Variants in PMPCB observed in about 807,000 individuals in gnomAD.
The protein encoded by PMPCB is peptidase, mitochondrial processing subunit beta.
In PMPCB, 46 loss-of-function variants were observed where a neutral mutation model predicts 61.5. That is an observed-to-expected ratio of 0.75 (90% CI 0.59 to 0.96). The LOEUF (loss-of-function observed/expected upper bound fraction) is 0.96. Ranked by LOEUF, PMPCB falls within the 40% of genes least tolerant of loss-of-function variation. The pLI, the probability that PMPCB is intolerant of heterozygous loss-of-function variation, is 0.00. For missense variants in PMPCB, 590 were observed against 602.4 expected (o/e 0.98, Z 0.22); for synonymous variants, 191 against 201.6 (o/e 0.95, Z 0.44).
downstream of PMPCB, chr7:103,317,088 C>G (rs1366847481): frequency 7.7e-7 from 1 of 1,302,308 alleles, no homozygotes; most frequent in South Asian, 1.4e-5. Flanking sequence ...CTGGCTAGGG[C>G]TTTGTGGTCC....
chr7:103,346,258 G>A, the PMPCB span, among the ~76,000 whole-genome samples: 1 of 151,920 alleles, frequency 6.6e-6, no homozygotes, highest in Non-Finnish European at 1.5e-5. Context: ...TCAGCCTCCC[G>A]AGTAGCTGGG....
At chr7:103,346,242 C>T in the PMPCB span, among the ~76,000 whole-genome samples, 5 of 152,110 alleles carry the variant, frequency 3.3e-5, no homozygotes, top group South Asian at 2.1e-4. Flanking sequence ...AAGCGATTCT[C>T]CTGCCTCAGC....
At chr7:103,338,631 G>T in the PMPCB span, among the ~76,000 whole-genome samples, 1 of 152,052 alleles carries the variant, frequency 6.6e-6, no homozygotes, top group Non-Finnish European at 1.5e-5. Context: ...GAAGAGACAG[G>T]CTGGGCATGC....
Position 103,312,951 on chromosome 7 carries a change from T to C in PMPCB, c.*680T>C, listed in dbSNP as rs1367327480. The C allele has an allele frequency of 4.3e-6, 7 of 1,610,902 alleles. No homozygotes were observed. The highest frequency in any genetic ancestry group is 5.1e-6 in the Non-Finnish European group (6 of 1,179,226). On this transcript the variant is annotated 3_prime_UTR_variant, in exon 13 of 13. Transcript: ENST00000249269. The stretch of plus-strand genomic sequence containing the variant: ...ATAAACGCTTAAGTCTGCAACCTTG[T>C]ATCGTTTCATGCAGTCCTTCTTTGT...
At chr7:103,341,018 T>G in the PMPCB span, among the ~76,000 whole-genome samples, 1 of 152,182 alleles carries the variant, frequency 6.6e-6, no homozygotes, top group Non-Finnish European at 1.5e-5. Context: ...GACCTCTGAA[T>G]ACTTCTCTTT....
In PMPCB at chr7:103,312,897, C is replaced by T. The variant is rs1357939354; in HGVS notation, c.*626C>T. 1 of 1,576,636 alleles carries T rather than the reference C, an allele frequency of 6.3e-7. No homozygotes were observed. Among genetic ancestry groups the T allele is most frequent in the Non-Finnish European group, 8.6e-7 (1 of 1,166,634 alleles). On this transcript the variant is annotated 3_prime_UTR_variant, in exon 13 of 13. Coordinates refer to ENST00000249269, the MANE Select transcript of PMPCB (RefSeq NM_004279.3). The stretch of plus-strand genomic sequence containing the variant: ...AGACATAAAATATGAGCTATATCAC[C>T]CAAGCTACAATTTAAAATACAACAA...
chr7:103,320,496 T>G (rs1334710469), intron 12 of PMPCB, among the ~76,000 whole-genome samples: 1 of 152,010 alleles, frequency 6.6e-6, no homozygotes, highest in Non-Finnish European at 1.5e-5. Context: ...CAAGTTAATA[T>G]TCTAAAACTG....
downstream of PMPCB, chr7:103,317,303 C>T (rs970859066): frequency 9.4e-6 from 3 of 319,214 alleles, no homozygotes; most frequent in Admixed American, 4.7e-5. Flanking sequence ...CTGTGGGTCA[C>T]TGAGTTATTC....
the PMPCB span, chr7:103,344,553 AC>A: frequency 6.2e-7 from 1 of 1,613,742 alleles, no homozygotes; most frequent in Middle Eastern, 1.7e-4. Flanking sequence ...TTGGGTGGGC[AC>A]TTACCAGAGG....
chr7:103,344,370 C>T, the PMPCB span: 8 of 621,938 alleles, frequency 1.3e-5, no homozygotes, highest in South Asian at 2.0e-5. Context: ...GCACCCCTCA[C>T]CCTCCTTCCT....
At chr7:103,319,101 G>A (rs115557384), downstream of PMPCB, among the ~76,000 whole-genome samples, 573 of 152,034 alleles carry the variant, frequency 3.8e-3, 4 homozygotes, top group African/African-American at 0.014. Context: ...AATCCCACCC[G>A]CACTCCAGCC....
chr7:103,326,135 C>T (rs1341688735), intron 12 of PMPCB, among the ~76,000 whole-genome samples: 3 of 151,932 alleles, frequency 2.0e-5, no homozygotes, highest in Admixed American at 6.6e-5. Flanking sequence ...TGCACCTCCA[C>T]GGCCAGCTAA....
intron 7 of PMPCB, among the ~76,000 whole-genome samples, chr7:103,308,404 T>A (rs1817646022): frequency 6.6e-6 from 1 of 152,150 alleles, no homozygotes; most frequent in Non-Finnish European, 1.5e-5. Context: ...AGTGTGTCAC[T>A]TGAGGTTAGG....
At chr7:103,315,861 T>C, downstream of PMPCB, 1 of 1,611,608 alleles carries the variant, frequency 6.2e-7, no homozygotes, top group Non-Finnish European at 8.5e-7. Flanking sequence ...TGTCATCTTT[T>C]TGATGAGGGT....
chr7:103,313,605 G>A lies in PMPCB; in HGVS notation c.*1334G>A. On this transcript the variant is annotated 3_prime_UTR_variant, in exon 13 of 13. Coordinates refer to ENST00000249269, the MANE Select transcript of PMPCB (RefSeq NM_004279.3). Reference sequence around the variant, plus strand: ...TAGCAAAATTAAGCCAAGTGCCCAAGGTACCAGTGCTGGAGAGGCAAGCTG... The same window carrying A: ...TAGCAAAATTAAGCCAAGTGCCCAAAGTACCAGTGCTGGAGAGGCAAGCTG... 2 of 983,600 alleles carry A rather than the reference G, an allele frequency of 2.0e-6. No individual in the cohort carries two copies. Among genetic ancestry groups the A allele is most frequent in the Non-Finnish European group, 2.4e-6 (2 of 828,310 alleles). The allele number at this position is 983,600 out of a possible 1,614,324, so 60.9% of individuals were successfully genotyped here.
the PMPCB span, among the ~76,000 whole-genome samples, chr7:103,338,267 CT>C: frequency 0.087 from 10,747 of 124,004 alleles, 461 homozygotes; most frequent in South Asian, 0.14. Flanking sequence ...AAGACCCTGT[CT>C]TTTTTTTTTT....
At chr7:103,309,278 T>C in intron 8 of PMPCB, 183 bp downstream of exon 8, 1 of 469,552 alleles carries the variant, frequency 2.1e-6, no homozygotes, top group South Asian at 5.8e-5. Context: ...TCTTTTTTTC[T>C]TTGCCACAAA....
chr7:103,301,561 C>T (rs1322459386), intron 4 of PMPCB, among the ~76,000 whole-genome samples: 1 of 152,138 alleles, frequency 6.6e-6, no homozygotes, highest in Non-Finnish European at 1.5e-5. Context: ...CTTTTTTCCC[C>T]CTTTTCTCCT....
chr7:103,316,559 G>A (rs1563455779), downstream of PMPCB: 1 of 397,280 alleles, frequency 2.5e-6, no homozygotes, highest in Non-Finnish European at 4.5e-6. Context: ...AACAAGCCAT[G>A]ACAGAGTAAG....
Sources: allele counts gnomAD v4.1 joint callset (sites outside exome capture counted in the v4.1 genomes callset), GRCh38; gene constraint gnomAD v4.1.1; transcripts MANE v1.5; gene names NCBI Gene and HGNC (gene_info 2026-07-23, HGNC 2026-07-21).